PDE4D: variants seen among roughly 807,000 people sequenced by gnomAD.
PDE4D encodes 3',5'-cyclic-AMP phosphodiesterase 4D.
Under a neutral mutation model 87.4 loss-of-function variants are expected in PDE4D, and 24 were observed. The ratio of observed to expected loss-of-function variants is 0.27; its 90% CI spans 0.20 to 0.39. The LOEUF is 0.39. Ranked by LOEUF, PDE4D falls within the 10% of genes least tolerant of loss-of-function variation. The pLI is 1.00. For synonymous variants in PDE4D, 384 were observed against 383.2 expected (o/e 1.00, Z -0.02); for missense variants, 714 against 1,041.0 (o/e 0.69, Z 4.32).
chr5:60,510,878 G>A (rs1292358677), intron 1 of PDE4D, among the ~76,000 whole-genome samples: 1 of 152,194 alleles, frequency 6.6e-6, no homozygotes, highest in Non-Finnish European at 1.5e-5. Context: ...GATGGGGAGA[G>A]GCAGACACCT....
At chr5:59,745,468 G>A (rs1759470304) in intron 1 of PDE4D, among the ~76,000 whole-genome samples, 1 of 152,156 alleles carries the variant, frequency 6.6e-6, no homozygotes, top group Non-Finnish European at 1.5e-5. Context: ...ATCTACGTTG[G>A]CAAGAGCGTC....
chr5:59,941,572 G>A (rs1185937876), intron 3 of PDE4D, among the ~76,000 whole-genome samples: 1 of 152,152 alleles, frequency 6.6e-6, no homozygotes, highest in Non-Finnish European at 1.5e-5. Flanking sequence ...ATGAAGCCAT[G>A]CCCTTTGGGA....
intron 1 of PDE4D, among the ~76,000 whole-genome samples, chr5:59,552,569 T>G (rs1818297273): frequency 6.6e-6 from 1 of 152,184 alleles, no homozygotes; most frequent in South Asian, 2.1e-4. Flanking sequence ...AAAAATTGGT[T>G]TCACCATTGA....
At chr5:59,794,135 G>GCA (rs1491263353) in intron 1 of PDE4D, among the ~76,000 whole-genome samples, 7 of 89,286 alleles carry the variant, frequency 7.8e-5, no homozygotes, top group East Asian at 7.0e-4. Context: ...ACACACAGAG[G>GCA]CGCACACACA....
At chr5:60,110,615 T>G (rs1777575827) in intron 2 of PDE4D, among the ~76,000 whole-genome samples, 1 of 152,020 alleles carries the variant, frequency 6.6e-6, no homozygotes, top group Non-Finnish European at 1.5e-5. Flanking sequence ...AAACTAAAAA[T>G]AGAACTAACA....
chr5:59,499,869 A>T (rs1007746312), intron 1 of PDE4D, among the ~76,000 whole-genome samples: 2 of 139,030 alleles, frequency 1.4e-5, no homozygotes, highest in Non-Finnish European at 3.1e-5. Context: ...TACAGATACT[A>T]CTGAAAGTAT....
chr5:60,232,760 A>C (rs920549207), intron 1 of PDE4D, among the ~76,000 whole-genome samples: 4 of 151,930 alleles, frequency 2.6e-5, no homozygotes, highest in African/African-American at 9.7e-5. Context: ...TACAAAAGGT[A>C]AACTGAAACG....
chr5:59,600,367 T>C (rs1827324122), intron 1 of PDE4D, among the ~76,000 whole-genome samples: 1 of 152,204 alleles, frequency 6.6e-6, no homozygotes, highest in African/African-American at 2.4e-5. Context: ...TGGCTATGAC[T>C]GTCCATCCTG....
chr5:59,619,981 A>G (rs1830156437), intron 1 of PDE4D, among the ~76,000 whole-genome samples: 1 of 152,152 alleles, frequency 6.6e-6, no homozygotes, highest in Non-Finnish European at 1.5e-5. Context: ...TACCCATGTT[A>G]AAGACTTAGT....
At chr5:59,347,419 C>T (rs1779787957) in intron 1 of PDE4D, among the ~76,000 whole-genome samples, 1 of 152,142 alleles carries the variant, frequency 6.6e-6, no homozygotes, top group Admixed American at 6.6e-5. Context: ...TTTCGTCCAG[C>T]TAGCTTTCCT....
At chr5:60,400,221 G>A (rs1016723880) in intron 1 of PDE4D, among the ~76,000 whole-genome samples, 1 of 152,140 alleles carries the variant, frequency 6.6e-6, no homozygotes, top group Non-Finnish European at 1.5e-5. Flanking sequence ...GGGTTCGAAA[G>A]TTTTCATTAG....
chr5:60,296,487 C>T (rs1753401272), intron 1 of PDE4D, among the ~76,000 whole-genome samples: 1 of 152,134 alleles, frequency 6.6e-6, no homozygotes, highest in Non-Finnish European at 1.5e-5. Flanking sequence ...CATATTTTTA[C>T]ACACATACGT....
At chr5:59,222,396 A>G (rs1037560036) in intron 1 of PDE4D, among the ~76,000 whole-genome samples, 1 of 152,150 alleles carries the variant, frequency 6.6e-6, no homozygotes, top group African/African-American at 2.4e-5. Flanking sequence ...GTGCTGAGTA[A>G]ATAGCTTTCC....
At chr5:60,326,174 G>A (rs1178849107) in intron 1 of PDE4D, among the ~76,000 whole-genome samples, 1 of 152,038 alleles carries the variant, frequency 6.6e-6, no homozygotes, top group East Asian at 1.9e-4. Flanking sequence ...ATTTCTCTGG[G>A]ATAAATGCCC....
chr5:59,616,943 A>C (rs910334674), intron 1 of PDE4D, among the ~76,000 whole-genome samples: 1 of 139,162 alleles, frequency 7.2e-6, no homozygotes, highest in Non-Finnish European at 1.6e-5. Flanking sequence ...ATATATATAT[A>C]TATCTCCAAG....
chr5:59,053,538 T>C (rs1761860241), intron 5 of PDE4D, among the ~76,000 whole-genome samples: 1 of 152,232 alleles, frequency 6.6e-6, no homozygotes, highest in African/African-American at 2.4e-5. Flanking sequence ...AATTATTATA[T>C]GTGTGTCCTT....
intron 1 of PDE4D, among the ~76,000 whole-genome samples, chr5:60,312,814 C>T (rs762104606): frequency 3.9e-5 from 6 of 152,138 alleles, no homozygotes; most frequent in Non-Finnish European, 8.8e-5. Flanking sequence ...GCAACCTGCT[C>T]CTGAATGACT....
At chr5:59,053,655 G>GTTTTTTTTTTTTTTTTT (rs1367942598) in intron 5 of PDE4D, among the ~76,000 whole-genome samples, 2 of 74,898 alleles carry the variant, frequency 2.7e-5, no homozygotes, top group African/African-American at 1.1e-4. Context: ...GTTTTTTTTT[G>GTTTTTTTTTTTTTTTTT]TTGTTGTTTT....
intron 1 of PDE4D, among the ~76,000 whole-genome samples, chr5:60,478,345 AC>A (rs1748479619): frequency 6.6e-6 from 1 of 152,188 alleles, no homozygotes; most frequent in Non-Finnish European, 1.5e-5. Context: ...AATAACTTAC[AC>A]TGAGTAAGCT....
Sources: gnomAD v4.1 joint callset for allele counts (sites outside exome capture counted in the v4.1 genomes callset) on GRCh38, gnomAD v4.1.1 for gene constraint, MANE v1.5 for transcripts, NCBI Gene and HGNC (gene_info 2026-07-23, HGNC 2026-07-21) for gene names.